Variants in GPR83 observed in about 807,000 individuals in gnomAD.
The protein encoded by GPR83 is G protein-coupled receptor 83.
Under a neutral mutation model 28.0 loss-of-function variants are expected in GPR83, and 23 were observed. That is an observed-to-expected ratio of 0.82 (90% CI 0.59 to 1.16). GPR83 has a LOEUF of 1.16. GPR83 is among the 50% of genes most tolerant of loss of function. GPR83 has a pLI of 0.00. For missense variants in GPR83, 610 were observed against 536.6 expected (o/e 1.14, Z -1.35); for synonymous variants, 234 against 215.4 (o/e 1.09, Z -0.76).
intron 1 of GPR83, 49 bp from the exon 2 acceptor site, chr11:94,396,573 A>G: frequency 6.2e-7 from 1 of 1,600,440 alleles, no homozygotes; most frequent in Non-Finnish European, 8.6e-7. Flanking sequence ...CTTGACTTTG[A>G]CACCCATCCC....
In GPR83 at chr11:94,378,748, C is replaced by T. The variant is rs1163228921; in HGVS notation, c.*1401G>A. On this transcript the variant is annotated 3_prime_UTR_variant, in exon 4 of 4. Transcript: ENST00000243673. Reference sequence around the variant, plus strand: ...AGGATGAGGTGTCTAAGCACAATTACTTCCAGCATATTGGAAAGCCTGCTC... The same window carrying T: ...AGGATGAGGTGTCTAAGCACAATTATTTCCAGCATATTGGAAAGCCTGCTC... The T allele has an allele frequency of 1.3e-5, 2 of 152,618 alleles. No homozygotes were observed. The highest frequency in any genetic ancestry group is 2.4e-5 in the African/African-American group (1 of 41,450). The allele number at this position is 152,618 out of a possible 1,614,324, so 9.5% of individuals were successfully genotyped here.
intron 3 of GPR83, among the ~76,000 whole-genome samples, chr11:94,388,776 C>T (rs1322719520): frequency 6.6e-6 from 1 of 152,162 alleles, no homozygotes; most frequent in East Asian, 1.9e-4. Flanking sequence ...TCAATGCCAT[C>T]CCCATCAAGC....
At chr11:94,396,269 T>C (rs748501045) in intron 2 of GPR83, 130 bp downstream of exon 2, 3 of 835,164 alleles carry the variant, frequency 3.6e-6, no homozygotes, top group East Asian at 2.5e-5. Context: ...TATGTGTTCA[T>C]GTTGATCAAT....
intron 1 of GPR83, among the ~76,000 whole-genome samples, chr11:94,396,986 T>C (rs1354731328): frequency 6.6e-6 from 1 of 152,216 alleles, no homozygotes; most frequent in East Asian, 1.9e-4. Flanking sequence ...CAGATATTAT[T>C]AGAAGTAAAT....
At chr11:94,383,007 AC>A (rs1367658392) in intron 3 of GPR83, among the ~76,000 whole-genome samples, 1 of 151,230 alleles carries the variant, frequency 6.6e-6, no homozygotes, top group Non-Finnish European at 1.5e-5. Context: ...TACTAAAAAT[AC>A]AAAAAAAAAA....
chr11:94,380,557 C>T lies in GPR83; in HGVS notation c.864G>A (p.Lys288=). ...CCAGCATCAACATCTTGATGGTCTT[C>T]TTCTTTTTGCGCCGCAGGGCAAAGT... is the stretch of plus-strand genomic sequence containing the variant. ...EQYFALRRKK[K]KTIKMLMLVV... The change falls in exon 4 of 4, where the codon AAG becomes AAA. Residue 288 remains lysine, a synonymous_variant. Coordinates refer to ENST00000243673, the MANE Select transcript of GPR83 (RefSeq NM_016540.4). 1 of 1,614,206 alleles carries T rather than the reference C, an allele frequency of 6.2e-7. No homozygotes were observed.
chr11:94,384,027 C>CA (rs987971406), intron 3 of GPR83, among the ~76,000 whole-genome samples: 14 of 150,554 alleles, frequency 9.3e-5, no homozygotes, highest in African/African-American at 2.7e-4. Flanking sequence ...AGAGACACAA[C>CA]AAAAAAAAAG....
intron 1 of GPR83, among the ~76,000 whole-genome samples, 185 bp from the exon 2 acceptor site, chr11:94,396,709 T>C (rs1477482920): frequency 6.6e-6 from 1 of 152,114 alleles, no homozygotes; most frequent in African/African-American, 2.4e-5. Flanking sequence ...TTCATTCAAT[T>C]CAACAAACCC....
At chr11:94,387,012 G>A (rs1944764261) in intron 3 of GPR83, among the ~76,000 whole-genome samples, 1 of 152,158 alleles carries the variant, frequency 6.6e-6, no homozygotes, top group Non-Finnish European at 1.5e-5. Flanking sequence ...TAGATCTCAG[G>A]ATTAAGAAAC....
At chr11:94,381,186 A>G (rs2134681096) in intron 3 of GPR83, among the ~76,000 whole-genome samples, 1 of 152,348 alleles carries the variant, frequency 6.6e-6, no homozygotes, top group South Asian at 2.1e-4. Flanking sequence ...GAAATGATGG[A>G]TCTTGAGCAT....
At chr11:94,387,329 G>C (rs971826374) in intron 3 of GPR83, among the ~76,000 whole-genome samples, 2 of 152,136 alleles carry the variant, frequency 1.3e-5, no homozygotes, top group African/African-American at 2.4e-5. Flanking sequence ...ACTAACATCA[G>C]AGCAGAACTG....
intron 3 of GPR83, among the ~76,000 whole-genome samples, chr11:94,385,679 C>G (rs1413560715): frequency 6.6e-6 from 1 of 152,092 alleles, no homozygotes; most frequent in Non-Finnish European, 1.5e-5. Flanking sequence ...ACAAAGCCTC[C>G]AAGAAATATG....
At chr11:94,388,427 T>A (rs1016651422) in intron 3 of GPR83, among the ~76,000 whole-genome samples, 1 of 152,166 alleles carries the variant, frequency 6.6e-6, no homozygotes, top group African/African-American at 2.4e-5. Flanking sequence ...GAAAACCCCA[T>A]CATCTCAGCC....
chr11:94,387,292 T>A (rs1944769401), intron 3 of GPR83, among the ~76,000 whole-genome samples: 1 of 151,998 alleles, frequency 6.6e-6, no homozygotes, highest in Non-Finnish European at 1.5e-5. Flanking sequence ...GCAAACACAT[T>A]CAAAAGCTAG....
intron 1 of GPR83, among the ~76,000 whole-genome samples, chr11:94,400,179 T>G (rs1944897708): frequency 6.6e-6 from 1 of 152,120 alleles, no homozygotes; most frequent in South Asian, 2.1e-4. Flanking sequence ...CAGGCTGCAA[T>G]TCAGAGGGAG....
intron 1 of GPR83, among the ~76,000 whole-genome samples, chr11:94,397,269 T>C (rs987532488): frequency 3.9e-5 from 6 of 152,098 alleles, no homozygotes; most frequent in African/African-American, 1.4e-4. Context: ...CACTATTTAC[T>C]CATTCAATTA....
At chr11:94,399,284 C>G (rs1320424634) in intron 1 of GPR83, among the ~76,000 whole-genome samples, 1 of 152,304 alleles carries the variant, frequency 6.6e-6, no homozygotes, top group South Asian at 2.1e-4. Context: ...TTGGGTAATG[C>G]CCAGGGGATA....
At chr11:94,390,699 A>C (rs1482181552) in intron 3 of GPR83, among the ~76,000 whole-genome samples, 1 of 152,218 alleles carries the variant, frequency 6.6e-6, no homozygotes, top group African/African-American at 2.4e-5. Context: ...AGAGAGCCAA[A>C]TCATGAGTGA....
At chr11:94,384,762 C>T (rs7107653) in intron 3 of GPR83, among the ~76,000 whole-genome samples, 80,946 of 152,076 alleles carry the variant, frequency 0.53, 22,048 homozygotes, top group East Asian at 0.64. Flanking sequence ...CTGTAGACTC[C>T]ACCTCTGGGG....
Sources: allele counts gnomAD v4.1 joint callset (sites outside exome capture counted in the v4.1 genomes callset), GRCh38; gene constraint gnomAD v4.1.1; transcripts MANE v1.5; gene names NCBI Gene and HGNC (gene_info 2026-07-23, HGNC 2026-07-21).